P4HA3: variants seen among roughly 807,000 people sequenced by gnomAD.
The protein encoded by P4HA3 is prolyl 4-hydroxylase subunit alpha 3.
A neutral mutation model predicts 66.7 loss-of-function variants in P4HA3; 60 were observed. That is an observed-to-expected ratio of 0.90 (90% CI 0.73 to 1.12). The LOEUF (loss-of-function observed/expected upper bound fraction) is 1.12, where lower values mean the gene tolerates loss of function less well. Among genes scored for constraint, P4HA3 ranks in the 50% most tolerant of loss-of-function variants. P4HA3 has a pLI of 0.00. For synonymous variants in P4HA3, 263 were observed against 274.6 expected (o/e 0.96, Z 0.42); for missense variants, 683 against 685.8 (o/e 1.00, Z 0.05).
At chr11:74,278,475 C>T (rs1860475832) in intron 8 of P4HA3, among the ~76,000 whole-genome samples, 1 of 152,122 alleles carries the variant, frequency 6.6e-6, no homozygotes, top group African/African-American at 2.4e-5. Context: ...TTTGGGAGAC[C>T]AGCTCCAGCG....
chr11:74,311,260 C>A, intron 1 of P4HA3, 152 bp downstream of exon 1: 1 of 928,102 alleles, frequency 1.1e-6, no homozygotes, highest in Non-Finnish European at 1.5e-6. Flanking sequence ...CCCCATGCCA[C>A]AATGTCTCAG....
chr11:74,306,067 A>G (rs1861572124), intron 1 of P4HA3, among the ~76,000 whole-genome samples: 1 of 152,026 alleles, frequency 6.6e-6, no homozygotes, highest in Admixed American at 6.6e-5. Context: ...GAGGGTGGGG[A>G]GGAGGCCACT....
At chr11:74,250,713 C>T in intron 15 of P4HA3, 1 of 485,016 alleles carries the variant, frequency 2.1e-6, no homozygotes, top group South Asian at 3.5e-5. Flanking sequence ...TTCTATGTGT[C>T]TCTGGCCCAC....
Position 74,271,201 on chromosome 11 carries a change from T to C in P4HA3, c.1399-1481A>G, listed in dbSNP as rs531039406. On this transcript the variant is annotated intron_variant, in intron 10 of 12. Coordinates refer to ENST00000331597, the MANE Select transcript of P4HA3 (RefSeq NM_182904.5). ...GACATGGTGATTTGGAACCTGGAAATGGCAGTGGTGACTATTAGCATTCCT... is the reference window on the plus strand; with the variant it reads ...GACATGGTGATTTGGAACCTGGAAACGGCAGTGGTGACTATTAGCATTCCT... Among the ~76,000 whole-genome samples the C allele has an allele frequency of 1.5e-4, 23 of 152,288 alleles. 1 individual carries two copies. In the South Asian group the frequency reaches 4.2e-3, roughly 28 times the overall value.
chr11:74,302,501 G>A lies in P4HA3; in HGVS notation c.435C>T (p.Asp145=), dbSNP rs371289114. 98 of 1,614,172 alleles carry A rather than the reference G, an allele frequency of 6.1e-5. No individual in the cohort carries two copies. The African/African-American group carries it at 9.2e-4, about 15-fold the overall frequency. ...GGCCTTTCACATTGAGCATGTACAC[G>A]TCCTGCAGCCGCATCAGGGCCCTTG... The part of the protein sequence containing the change: ...GAARALMRLQ[D]VYMLNVKGLA... The change falls in exon 3 of 13, where the codon GAC becomes GAT. Residue 145 remains aspartate, a synonymous_variant. Transcript: ENST00000331597.
rs1023289705 is a variant in P4HA3, at chr11:74,266,903, G to T, written c.*345C>A. On this transcript the variant is annotated 3_prime_UTR_variant, in exon 13 of 13. Coordinates refer to ENST00000331597, the MANE Select transcript of P4HA3 (RefSeq NM_182904.5). The stretch of plus-strand genomic sequence containing the variant: ...CCACTTCTTGGTCCCTGTGGTCAAG[G>T]TTCAAAGTGCCAAAAGACCCACTGA... 3.2e-5 allele frequency: 35 copies of T among 1,077,178 alleles called. No individual in the cohort carries two copies. The highest frequency in any genetic ancestry group is 4.1e-5 in the Non-Finnish European group (32 of 774,210). The allele number at this position is 1,077,178 out of a possible 1,614,324, so 66.7% of individuals were successfully genotyped here.
At chr11:74,299,070 G>A (rs535875694) in intron 3 of P4HA3, among the ~76,000 whole-genome samples, 1 of 152,308 alleles carries the variant, frequency 6.6e-6, no homozygotes, top group South Asian at 2.1e-4. Context: ...TCAAGACGGG[G>A]CACATGAGTA....
chr11:74,270,708 A>G (rs952945392), intron 10 of P4HA3, among the ~76,000 whole-genome samples: 16 of 152,230 alleles, frequency 1.1e-4, no homozygotes, highest in Admixed American at 3.3e-4. Flanking sequence ...AGAGAGCTTA[A>G]GCACTTTATA....
intron 9 of P4HA3, among the ~76,000 whole-genome samples, chr11:74,276,342 C>T (rs945707555): frequency 6.6e-6 from 1 of 152,104 alleles, no homozygotes; most frequent in African/African-American, 2.4e-5. Context: ...GTGGGAGGAT[C>T]GCTTGAGCCC....
chr11:74,290,270 T>C (rs1336660896), intron 4 of P4HA3, among the ~76,000 whole-genome samples: 2 of 152,326 alleles, frequency 1.3e-5, no homozygotes, highest in African/African-American at 4.8e-5. Context: ...TCATATCCTT[T>C]GCCCACTTTT....
chr11:74,301,459 G>A (rs1007853324), intron 3 of P4HA3, among the ~76,000 whole-genome samples: 5 of 152,090 alleles, frequency 3.3e-5, no homozygotes, highest in African/African-American at 1.2e-4. Flanking sequence ...ATTCCACTCA[G>A]GATCCCAGAA....
At chr11:74,288,273 C>T (rs1447878390) in intron 5 of P4HA3, among the ~76,000 whole-genome samples, 4 of 152,164 alleles carry the variant, frequency 2.6e-5, no homozygotes, top group Non-Finnish European at 5.9e-5. Flanking sequence ...CTGTGACCTA[C>T]TGGCTGGGCA....
At chr11:74,264,710 AGTG>A (rs1286966556), downstream of P4HA3, among the ~76,000 whole-genome samples, 4 of 152,192 alleles carry the variant, frequency 2.6e-5, no homozygotes, top group Non-Finnish European at 5.9e-5. Context: ...GGCAGCATTC[AGTG>A]GTAGTTCACC....
intron 15 of P4HA3, chr11:74,253,619 C>A: frequency 7.9e-7 from 1 of 1,265,598 alleles, no homozygotes; most frequent in Non-Finnish European, 1.2e-6. Flanking sequence ...CCATGTGACA[C>A]TGGCTCCCGG....
At chr11:74,277,187 G>C in intron 8 of P4HA3, 43 bp from the exon 9 acceptor site, 20 of 1,574,744 alleles carry the variant, frequency 1.3e-5, no homozygotes, top group Non-Finnish European at 1.7e-5. Flanking sequence ...TCTGTTGCCC[G>C]AAATGACTAA....
chr11:74,289,127 C>G lies in P4HA3; in HGVS notation c.721G>C (p.Gly241Arg). 1 of 1,575,396 alleles carries G rather than the reference C, an allele frequency of 6.3e-7. No homozygotes were observed. The highest frequency in any genetic ancestry group is 8.6e-7 in the Non-Finnish European group (1 of 1,162,960). ...AGGCTGAGGGCACACGAAACATTTC[C>G]TGCCTGTTAAAAAAAAAAAAAAGAA... The part of the protein sequence containing the change: ...DHLAFAYFRA[G>R]NVSCALSLSR... Residue 241 changes from glycine (G) to arginine (R), a missense_variant, in exon 5 of 13, where the codon GGA becomes CGA. Coordinates refer to ENST00000331597, the MANE Select transcript of P4HA3 (RefSeq NM_182904.5).
At chr11:74,251,480 C>G in intron 15 of P4HA3, 1 of 1,438,382 alleles carries the variant, frequency 7.0e-7, no homozygotes, top group Non-Finnish European at 9.1e-7. Context: ...GGGGAGGAGT[C>G]TTCTAGCTCT....
chr11:74,311,342 G>C, intron 1 of P4HA3, 70 bp downstream of exon 1: 2 of 1,398,138 alleles, frequency 1.4e-6, no homozygotes, highest in Non-Finnish European at 1.9e-6. Flanking sequence ...CTCAACCTGA[G>C]TCACCCCACC....
intron 8 of P4HA3, among the ~76,000 whole-genome samples, chr11:74,278,942 C>T (rs1490038130): frequency 6.6e-6 from 1 of 152,158 alleles, no homozygotes; most frequent in African/African-American, 2.4e-5. Context: ...TGGGCTCTCA[C>T]AGCTGAATCT....
Sources: allele counts gnomAD v4.1 joint callset (sites outside exome capture counted in the v4.1 genomes callset), GRCh38; gene constraint gnomAD v4.1.1; transcripts MANE v1.5; gene names NCBI Gene and HGNC (gene_info 2026-07-23, HGNC 2026-07-21).